PHKB: variants seen among roughly 807,000 people sequenced by gnomAD.
The protein encoded by PHKB is phosphorylase kinase regulatory subunit beta.
Under a neutral mutation model 152.1 loss-of-function variants are expected in PHKB, and 122 were observed. The ratio of observed to expected loss-of-function variants is 0.80; its 90% confidence interval spans 0.69 to 0.93. The LOEUF is 0.93. Among genes scored for constraint, PHKB ranks in the 40% least tolerant of loss-of-function variants. PHKB has a pLI of 0.00. For synonymous variants in PHKB, 436 were observed against 464.9 expected, an observed-to-expected ratio of 0.94 and a Z score of 0.80; for missense variants, 1,304 against 1,328.4, an observed-to-expected ratio of 0.98 and a Z score of 0.29.
At position 47,573,806 on chromosome 16, in the gene PHKB, C is replaced by T. The variant is rs540088026; in HGVS notation, c.711-6489C>T. ...TGCTTATTTTAGTTGGCAGCTTCTT[C>T]CAACCTGTGACCACTGTCTGAGTTA... is the stretch of plus-strand genomic sequence containing the variant. On this transcript the variant is annotated intron_variant, in intron 7 of 30. Coordinates refer to ENST00000323584, the MANE Select transcript of PHKB (RefSeq NM_000293.3). Among the ~76,000 whole-genome samples the T allele has an allele frequency of 3.9e-5, 6 of 152,368 alleles. No individual in the cohort carries two copies. In the East Asian group the frequency reaches 7.7e-4, roughly 20 times the overall value.
chr16:47,673,389 A>G (rs1273425134), intron 26 of PHKB, among the ~76,000 whole-genome samples: 1 of 152,150 alleles, frequency 6.6e-6, no homozygotes, highest in African/African-American at 2.4e-5. Context: ...AATTTTGATA[A>G]ACATACTTGG....
chr16:47,478,085 A>G (rs1195827182), intron 1 of PHKB, among the ~76,000 whole-genome samples: 3 of 152,214 alleles, frequency 2.0e-5, no homozygotes, highest in Non-Finnish European at 4.4e-5. Context: ...TATTTCTGGA[A>G]AAGTCTTGAA....
intron 7 of PHKB, chr16:47,566,611 A>G: frequency 2.2e-6 from 3 of 1,343,090 alleles, no homozygotes; most frequent in Non-Finnish European, 3.2e-6. Context: ...AAAGCAATGT[A>G]GGGTGACAAT....
chr16:47,589,659 C>T lies in PHKB; in HGVS notation c.1068+557C>T, dbSNP rs59031244. 2.1e-3 allele frequency among the ~76,000 whole-genome samples: 315 copies of T among 152,220 alleles called. 2 individuals are homozygous for T. The highest frequency in any genetic ancestry group is 7.4e-3 in the African/African-American group (307 of 41,522). On this transcript the variant is annotated intron_variant, in intron 10 of 30. Coordinates refer to ENST00000323584, the MANE Select transcript of PHKB (RefSeq NM_000293.3). ...ATTTTGTATTTCAAAACACATATAC[C>T]ACTATATGTAGTTTTATACTAGCTG... is the stretch of plus-strand genomic sequence containing the variant.
intron 16 of PHKB, among the ~76,000 whole-genome samples, chr16:47,644,681 GA>G (rs1326546322): frequency 6.6e-6 from 1 of 152,056 alleles, no homozygotes; most frequent in East Asian, 1.9e-4. Flanking sequence ...ATCAAAAATT[GA>G]AAACTTTTAA....
intron 27 of PHKB, among the ~76,000 whole-genome samples, chr16:47,691,693 A>G (rs551169338): frequency 6.6e-6 from 1 of 150,834 alleles, no homozygotes; most frequent in Non-Finnish European, 1.5e-5. Context: ...ATAGAGTCAG[A>G]TCCTGTCTCA....
chr16:47,497,564 C>A, intron 2 of PHKB, 76 bp downstream of exon 2: 1 of 854,962 alleles, frequency 1.2e-6, no homozygotes, highest in Non-Finnish European at 2.0e-6. Flanking sequence ...AAATTATGTA[C>A]ATTATGTGGA....
intron 6 of PHKB, among the ~76,000 whole-genome samples, chr16:47,530,316 A>G (rs796979302): frequency 2.6e-5 from 4 of 152,068 alleles, no homozygotes; most frequent in Admixed American, 6.5e-5. Context: ...TTGTATTTTT[A>G]GTAGAGATGT....
intron 7 of PHKB, among the ~76,000 whole-genome samples, chr16:47,550,496 G>A (rs920978487): frequency 2.1e-4 from 32 of 152,116 alleles, no homozygotes; most frequent in African/African-American, 6.8e-4. Context: ...TTTCTCTGCC[G>A]CTCTCCTTTC....
chr16:47,549,939 G>A (rs1023876677), intron 7 of PHKB, among the ~76,000 whole-genome samples: 1 of 151,996 alleles, frequency 6.6e-6, no homozygotes, highest in Non-Finnish European at 1.5e-5. Context: ...TAATCTTTTT[G>A]TAGTAGGCCG....
Position 47,594,133 on chromosome 16 carries a change from T to TTATATTG in PHKB, c.1127-2_1127-1insTATTGTA. ...GCTATTGGATTTTATATTTTATATT[T>TTATATTG]TAGGAGTTTTTAGAGGCAATCCTAA... On this transcript the variant is annotated splice_polypyrimidine_tract_variant and splice_region_variant and intron_variant, in intron 11 of 30. Transcript: ENST00000323584. The TTATATTG allele has an allele frequency of 6.8e-7, 1 of 1,465,382 alleles. No homozygotes were observed. Among genetic ancestry groups the TTATATTG allele is most frequent in the Non-Finnish European group, 9.6e-7 (1 of 1,045,158 alleles). 90.8% of individuals were successfully genotyped at this position (1,465,382 alleles called of 1,614,324 possible). A position where few individuals can be genotyped will look rare whatever the true frequency, so the allele number is the denominator to read the frequency against.
intron 7 of PHKB, among the ~76,000 whole-genome samples, chr16:47,568,610 A>G (rs568130806): frequency 6.6e-6 from 1 of 152,162 alleles, no homozygotes; most frequent in East Asian, 1.9e-4. Context: ...GAGGTGTGAC[A>G]TTATGTTGCC....
Position 47,558,883 on chromosome 16 carries a change from A to G in PHKB, c.710+11335A>G, listed in dbSNP as rs376937036. 3.9e-5 allele frequency among the ~76,000 whole-genome samples: 6 copies of G among 152,254 alleles called. No individual in the cohort carries two copies. In the East Asian group the frequency reaches 5.8e-4, roughly 15 times the overall value. On this transcript the variant is annotated intron_variant, in intron 7 of 30. Transcript: ENST00000323584. ...TTTAAAATGCCACATTTAGATGACA[A>G]TTTCCAAATTCATCCCATAGCTGTT...
At chr16:47,542,199 TCTAGTTTCAG>T (rs1430755536) in intron 6 of PHKB, among the ~76,000 whole-genome samples, 3 of 152,190 alleles carry the variant, frequency 2.0e-5, no homozygotes, top group Non-Finnish European at 4.4e-5. Context: ...AAGGAAGGGA[TCTAGTTTCAG>T]CTTTCTGCGT....
chr16:47,477,613 A>C (rs1193318668), intron 1 of PHKB, among the ~76,000 whole-genome samples: 1 of 152,202 alleles, frequency 6.6e-6, no homozygotes, highest in Non-Finnish European at 1.5e-5. Context: ...TAAATATAAC[A>C]AAATACTGAC....
At chr16:47,575,190 A>G (rs1293096581) in intron 7 of PHKB, among the ~76,000 whole-genome samples, 3 of 152,360 alleles carry the variant, frequency 2.0e-5, no homozygotes, top group African/African-American at 7.2e-5. Flanking sequence ...TGTTATTAAA[A>G]AGTCAAAAAC....
rs754758968 is a variant in PHKB, at chr16:47,497,391, TC to T, written c.77-7del. The T allele has an allele frequency of 1.9e-6, 3 of 1,559,706 alleles. No homozygotes were observed. The East Asian group carries it at 6.7e-5, about 35-fold the overall frequency. ...CTGAATTTGATGGGTTTTTATTTTT[TC>T]TTTTAGGCTCAGTTTATGAACCTCT... On this transcript the variant is annotated splice_polypyrimidine_tract_variant and splice_region_variant and intron_variant, in intron 1 of 30. Coordinates refer to ENST00000323584, the MANE Select transcript of PHKB (RefSeq NM_000293.3).
At chr16:47,536,319 G>A (rs1385835506) in intron 6 of PHKB, among the ~76,000 whole-genome samples, 1 of 152,090 alleles carries the variant, frequency 6.6e-6, no homozygotes, top group African/African-American at 2.4e-5. Flanking sequence ...CCAAAGTGCT[G>A]GGATTACAGG....
intron 5 of PHKB, among the ~76,000 whole-genome samples, chr16:47,514,095 A>G (rs564916096): frequency 1.8e-4 from 27 of 152,316 alleles, no homozygotes; most frequent in African/African-American, 6.0e-4. Context: ...TTGGCATTTC[A>G]TATACAATAA....
Sources: gnomAD v4.1 joint callset for allele counts (sites outside exome capture counted in the v4.1 genomes callset) on GRCh38, gnomAD v4.1.1 for gene constraint, MANE v1.5 for transcripts, NCBI Gene and HGNC (gene_info 2026-07-23, HGNC 2026-07-21) for gene names.